ATP6V1H: variants seen among roughly 807,000 people sequenced by gnomAD.
ATP6V1H encodes the protein V-type proton ATPase subunit H.
Under a neutral mutation model 71.7 loss-of-function variants are expected in ATP6V1H, and 39 were observed. The observed-to-expected ratio is 0.54, with a 90% CI of 0.42 to 0.71. The LOEUF (loss-of-function observed/expected upper bound fraction) is 0.71, where lower values mean the gene tolerates loss of function less well. Ranked by LOEUF, ATP6V1H falls within the 30% of genes least tolerant of loss-of-function variation. The pLI is 0.00. For missense variants in ATP6V1H, 509 were observed against 594.9 expected, an observed-to-expected ratio of 0.86 and a Z score of 1.50; for synonymous variants, 192 against 199.3, an observed-to-expected ratio of 0.96 and a Z score of 0.31.
intron 4 of ATP6V1H, among the ~76,000 whole-genome samples, chr8:53,825,958 A>G (rs1810812660): frequency 6.6e-6 from 1 of 152,206 alleles, no homozygotes; most frequent in African/African-American, 2.4e-5. Flanking sequence ...AAGCTAAGAC[A>G]AAAAGGTAAA....
At chr8:53,759,180 A>G (rs1808177777) in intron 11 of ATP6V1H, among the ~76,000 whole-genome samples, 1 of 152,244 alleles carries the variant, frequency 6.6e-6, no homozygotes, top group Non-Finnish European at 1.5e-5. Context: ...GGAAGGAATC[A>G]CAGGCTTTCT....
In ATP6V1H at chr8:53,715,994, C is replaced by G; in HGVS notation, c.1422G>C (p.Glu474Asp). The change falls in exon 14 of 14, where the codon GAG becomes GAC. Residue 474 changes from glutamate to aspartate, a missense_variant. Physicochemically the swap from Glu to Asp is conservative, Grantham distance 45 (BLOSUM62 2). Around this residue, in one of 2 missense-constraint regions of ATP6V1H, gnomAD observed 212 missense variants for 291.6 expected, o/e 0.73. Transcript: ENST00000359530. ...TTCGGGCGGCAGCGGTCTGGGGCTG[C>G]TCGGACTGGAGCTGCTTGCCAAGGT... Reference protein sequence around the residue: ...WEYLGKQLQSEQPQTAAARS With the variant: ...WEYLGKQLQSDQPQTAAARS The G allele has an allele frequency of 6.2e-7, 1 of 1,607,494 alleles. No individual in the cohort carries two copies.
Position 53,759,400 on chromosome 8 carries a change from C to G in ATP6V1H, c.1176-2744G>C, listed in dbSNP as rs181266961. Among the ~76,000 whole-genome samples the G allele has an allele frequency of 3.5e-4, 54 of 152,326 alleles. 1 individual carries two copies. Among genetic ancestry groups the G allele is most frequent in the African/African-American group, 1.3e-3 (52 of 41,572 alleles). On this transcript the variant is annotated intron_variant, in intron 11 of 13. Transcript: ENST00000359530. ...CATTTTATGGTATGCAATGAGAGAACTCCCTCCAAGATGTCTCTGAATACA... is the reference window on the plus strand; with the variant it reads ...CATTTTATGGTATGCAATGAGAGAAGTCCCTCCAAGATGTCTCTGAATACA...
chr8:53,758,570 C>T (rs1286529700), intron 11 of ATP6V1H, among the ~76,000 whole-genome samples: 1 of 152,122 alleles, frequency 6.6e-6, no homozygotes. Flanking sequence ...CTTCTTTTTC[C>T]CTTAAAAGCC....
chr8:53,775,259 G>GT (rs1808827459), intron 9 of ATP6V1H, among the ~76,000 whole-genome samples: 2 of 152,168 alleles, frequency 1.3e-5, no homozygotes, highest in Admixed American at 1.3e-4. Context: ...GACCTCCACG[G>GT]TATTACAGCT....
intron 9 of ATP6V1H, among the ~76,000 whole-genome samples, chr8:53,774,607 C>A (rs1808796814): frequency 6.6e-6 from 1 of 152,042 alleles, no homozygotes; most frequent in Non-Finnish European, 1.5e-5. Flanking sequence ...ATCAGATCAA[C>A]CCTTCCACAG....
At position 53,827,887 on chromosome 8, in the gene ATP6V1H, T is replaced by C. The variant is rs549947853; in HGVS notation, c.306+1557A>G. Among the ~76,000 whole-genome samples the C allele has an allele frequency of 1.5e-4, 23 of 152,294 alleles. 1 individual carries two copies. The South Asian group carries it at 4.6e-3, about 30-fold the overall frequency. ...ATTTGGTGTTCAGTTCCTGTGTTAG[T>C]TTACTAAGGATAAAGACCTCCAGCT... On this transcript the variant is annotated intron_variant, in intron 4 of 13. Transcript: ENST00000359530.
At chr8:53,779,544 CTT>C (rs976341556) in intron 9 of ATP6V1H, among the ~76,000 whole-genome samples, 2 of 150,744 alleles carry the variant, frequency 1.3e-5, no homozygotes, top group African/African-American at 4.9e-5. Context: ...TAATTCTTCT[CTT>C]AACCCCCAGT....
At chr8:53,834,951 G>A (rs754463274) in intron 2 of ATP6V1H, among the ~76,000 whole-genome samples, 3 of 152,036 alleles carry the variant, frequency 2.0e-5, no homozygotes, top group Non-Finnish European at 4.4e-5. Flanking sequence ...AGACAAGCCT[G>A]GGCAACACCG....
chr8:53,807,332 G>A (rs2130452138), intron 7 of ATP6V1H, among the ~76,000 whole-genome samples: 1 of 152,212 alleles, frequency 6.6e-6, no homozygotes, highest in East Asian at 1.9e-4. Context: ...AAGTGTGGTG[G>A]CTCACGTCTG....
Position 53,829,512 on chromosome 8 carries a change from G to T in ATP6V1H, c.238C>A (p.Leu80Met), listed in dbSNP as rs751478649. ...GSQCAKTFIN[L>M]MTHICKEQTV... Reference sequence around the variant, plus strand: ...TGTTCTTTGCAGATATGAGTCATCAGATTTATAAATGTTTTAGCACACTAA... The same window carrying T: ...TGTTCTTTGCAGATATGAGTCATCATATTTATAAATGTTTTAGCACACTAA... Residue 80 changes from leucine (L) to methionine (M), a missense_variant, in exon 4 of 14, where the codon CTG becomes ATG. Physicochemically the swap from Leu to Met is conservative, Grantham distance 15. Around this residue, in one of 2 missense-constraint regions of ATP6V1H, gnomAD observed 297 missense variants for 303.3 expected, o/e 0.98. Transcript: ENST00000359530. The T allele has an allele frequency of 2.5e-6, 4 of 1,586,776 alleles. No individual in the cohort carries two copies. Among genetic ancestry groups the T allele is most frequent in the South Asian group, 1.2e-5 (1 of 86,404 alleles).
intron 8 of ATP6V1H, among the ~76,000 whole-genome samples, chr8:53,796,504 A>G (rs1809744619): frequency 6.9e-6 from 1 of 145,264 alleles, no homozygotes; most frequent in Admixed American, 6.7e-5. Context: ...GAGTTCAGAA[A>G]TCATCAAATA....
intron 4 of ATP6V1H, among the ~76,000 whole-genome samples, chr8:53,827,634 G>T (rs1179741949): frequency 6.6e-6 from 1 of 151,902 alleles, no homozygotes; most frequent in Admixed American, 6.6e-5. Flanking sequence ...TTAGGTTCAG[G>T]GGTACATGTG....
At chr8:53,739,881 C>G (rs1220842917) in intron 13 of ATP6V1H, among the ~76,000 whole-genome samples, 2 of 152,232 alleles carry the variant, frequency 1.3e-5, no homozygotes, top group African/African-American at 4.8e-5. Flanking sequence ...TGAGGGCGCC[C>G]AGTGGGTGCC....
At chr8:53,738,570 A>G (rs930687303) in intron 13 of ATP6V1H, among the ~76,000 whole-genome samples, 11 of 152,376 alleles carry the variant, frequency 7.2e-5, no homozygotes, top group Middle Eastern at 3.4e-3. Flanking sequence ...AACTAGATCC[A>G]CAGATCCCCA....
chr8:53,815,772 T>C (rs1810429596), intron 5 of ATP6V1H, among the ~76,000 whole-genome samples: 1 of 152,194 alleles, frequency 6.6e-6, no homozygotes, highest in Non-Finnish European at 1.5e-5. Flanking sequence ...AGGCCAAGGA[T>C]TGAAAATATT....
chr8:53,784,730 C>G (rs1339952829), intron 9 of ATP6V1H, among the ~76,000 whole-genome samples: 1 of 152,126 alleles, frequency 6.6e-6, no homozygotes, highest in Admixed American at 6.5e-5. Flanking sequence ...TAGGGCAGGC[C>G]TGGTAGTGAC....
intron 12 of ATP6V1H, among the ~76,000 whole-genome samples, chr8:53,751,682 T>G (rs901181755): frequency 1.3e-5 from 2 of 151,952 alleles, no homozygotes; most frequent in Non-Finnish European, 2.9e-5. Flanking sequence ...TCTTTTTTTT[T>G]TTTTCGAGAC....
At chr8:53,732,139 G>A (rs138381988) in intron 13 of ATP6V1H, among the ~76,000 whole-genome samples, 37 of 152,290 alleles carry the variant, frequency 2.4e-4, no homozygotes, top group Middle Eastern at 3.4e-3. Flanking sequence ...ATGAACAGGC[G>A]TGCCTTTATC....
Sources: allele counts gnomAD v4.1 joint callset (sites outside exome capture counted in the v4.1 genomes callset), GRCh38; gene constraint gnomAD v4.1.1; regional missense constraint gnomAD v4.1.1; transcripts MANE v1.5; gene names NCBI Gene and HGNC (gene_info 2026-07-23, HGNC 2026-07-21).